DCAF1: variants seen among roughly 807,000 people sequenced by gnomAD.
DCAF1 encodes the protein DDB1- and CUL4-associated factor 1.
A neutral mutation model predicts 128.0 loss-of-function variants in DCAF1; 15 were observed. The observed-to-expected ratio is 0.12, with a 90% CI of 0.08 to 0.18. The LOEUF is 0.18. Ranked by LOEUF, DCAF1 falls within the 10% of genes least tolerant of loss-of-function variation. The probability of loss-of-function intolerance (pLI) is 1.00; values close to 1 mark genes in which losing one functional copy is unlikely to be tolerated. For synonymous variants in DCAF1, 610 were observed against 603.0 expected, an observed-to-expected ratio of 1.01 and a Z score of -0.17; for missense variants, 988 against 1,649.5, an observed-to-expected ratio of 0.60 and a Z score of 6.95.
chr3:51,441,913 T>A lies in DCAF1; in HGVS notation c.514-16A>T. On this transcript the variant is annotated splice_polypyrimidine_tract_variant and intron_variant, in intron 7 of 24. Coordinates refer to ENST00000684031, the MANE Select transcript of DCAF1 (RefSeq NM_001387579.1). Reference sequence around the variant, plus strand: ...CTATTGCCACCTATCAACAGATAATTGGAGAAAAAGGGGGTGCCTCTTTAT... The same window carrying A: ...CTATTGCCACCTATCAACAGATAATAGGAGAAAAAGGGGGTGCCTCTTTAT... 6.4e-7 allele frequency: 1 copy of A among 1,566,512 alleles called. No individual in the cohort carries two copies. Among genetic ancestry groups the A allele is most frequent in the Non-Finnish European group, 8.6e-7 (1 of 1,167,050 alleles).
chr3:51,416,601 T>A (rs1174656598), intron 18 of DCAF1, among the ~76,000 whole-genome samples, 186 bp downstream of exon 18: 1 of 152,208 alleles, frequency 6.6e-6, no homozygotes, highest in African/African-American at 2.4e-5. Flanking sequence ...AATGTCACAT[T>A]TAGCCCTTAT....
At chr3:51,458,395 A>G (rs1183300570) in intron 6 of DCAF1, among the ~76,000 whole-genome samples, 3 of 152,336 alleles carry the variant, frequency 2.0e-5, no homozygotes, top group African/African-American at 7.2e-5. Flanking sequence ...CCAATACAGG[A>G]GCACCCAGAT....
intron 2 of DCAF1, among the ~76,000 whole-genome samples, chr3:51,494,825 T>A (rs1553659898): frequency 6.6e-6 from 1 of 152,150 alleles, no homozygotes; most frequent in East Asian, 1.9e-4. Context: ...TCCAAAGTGC[T>A]AGGATTGTAG....
intron 3 of DCAF1, among the ~76,000 whole-genome samples, chr3:51,477,705 T>C (rs1014680892): frequency 3.3e-5 from 5 of 152,098 alleles, no homozygotes; most frequent in Admixed American, 6.6e-5. Flanking sequence ...AATCTGAGAA[T>C]GTCTATCATT....
intron 10 of DCAF1, among the ~76,000 whole-genome samples, chr3:51,431,197 CG>C (rs1700337036): frequency 6.6e-6 from 1 of 152,026 alleles, no homozygotes; most frequent in Non-Finnish European, 1.5e-5. Flanking sequence ...AAACCACATA[CG>C]TATGTGTAAC....
chr3:51,489,187 G>A (rs1042539099), intron 2 of DCAF1, among the ~76,000 whole-genome samples: 19 of 151,724 alleles, frequency 1.3e-4, no homozygotes, highest in Admixed American at 1.3e-4. Flanking sequence ...TAATCCCGGC[G>A]CTTTGGGAGG....
intron 3 of DCAF1, among the ~76,000 whole-genome samples, chr3:51,480,968 A>G (rs1356781149): frequency 2.0e-5 from 3 of 152,168 alleles, no homozygotes; most frequent in African/African-American, 4.8e-5. Context: ...TGTGTGGTAC[A>G]TAATTTTATT....
chr3:51,439,975 G>C (rs1162430512), intron 9 of DCAF1, among the ~76,000 whole-genome samples: 1 of 151,452 alleles, frequency 6.6e-6, no homozygotes, highest in Non-Finnish European at 1.5e-5. Flanking sequence ...CTGGGCAACA[G>C]AGCGAGACTC....
chr3:51,479,614 T>G (rs1705912925), intron 3 of DCAF1, among the ~76,000 whole-genome samples: 1 of 151,802 alleles, frequency 6.6e-6, no homozygotes. Flanking sequence ...CGGTGAAACC[T>G]GAAACCTCAT....
chr3:51,438,559 G>C (rs535412255), intron 9 of DCAF1, among the ~76,000 whole-genome samples: 8 of 152,292 alleles, frequency 5.3e-5, no homozygotes, highest in Admixed American at 5.2e-4. Flanking sequence ...AGATTAGAAT[G>C]AAGCACAAAA....
chr3:51,471,538 C>G (rs1225450101), intron 3 of DCAF1, among the ~76,000 whole-genome samples: 1 of 152,010 alleles, frequency 6.6e-6, no homozygotes, highest in Non-Finnish European at 1.5e-5. Flanking sequence ...ATTACCTTCA[C>G]CTCAGAAACC....
At chr3:51,479,005 A>T (rs1705831098) in intron 3 of DCAF1, among the ~76,000 whole-genome samples, 1 of 152,222 alleles carries the variant, frequency 6.6e-6, no homozygotes, top group East Asian at 1.9e-4. Context: ...TTTTTTTAAC[A>T]GTTATGATAC....
intron 2 of DCAF1, among the ~76,000 whole-genome samples, chr3:51,495,684 G>A (rs1238292184): frequency 1.3e-5 from 2 of 152,114 alleles, no homozygotes; most frequent in Non-Finnish European, 2.9e-5. Flanking sequence ...CTTGAGCCCA[G>A]GAGTTTGAGA....
At chr3:51,421,120 A>G in intron 14 of DCAF1, 123 bp from the exon 15 acceptor site, 1 of 1,163,856 alleles carries the variant, frequency 8.6e-7, no homozygotes, top group Non-Finnish European at 1.2e-6. Context: ...TTACTTTTGT[A>G]AAAACTGCAA....
chr3:51,485,204 C>T (rs926404689), intron 2 of DCAF1, among the ~76,000 whole-genome samples: 1 of 152,156 alleles, frequency 6.6e-6, no homozygotes, highest in Admixed American at 6.6e-5. Flanking sequence ...CGTGACCCAC[C>T]GCGCCCAGCT....
At position 51,440,931 on chromosome 3, in the gene DCAF1, A is replaced by T. The variant is rs782566438; in HGVS notation, c.1128+39T>A. ...AAATTTAAAAAAAAACAAAGTTTTT[A>T]AAAAATCCCCGGTGACCCAATATTT... On this transcript the variant is annotated intron_variant, in intron 9 of 24. Coordinates refer to ENST00000684031, the MANE Select transcript of DCAF1 (RefSeq NM_001387579.1). The T allele has an allele frequency of 2.7e-5, 42 of 1,529,312 alleles. 1 individual carries two copies. Among genetic ancestry groups the T allele is most frequent in the East Asian group, 1.6e-4 (7 of 43,066 alleles). The allele number at this position is 1,529,312 out of a possible 1,614,324, so 94.7% of individuals were successfully genotyped here. A position where few individuals can be genotyped will look rare whatever the true frequency, so the allele number is the denominator to read the frequency against.
intron 1 of DCAF1, among the ~76,000 whole-genome samples, chr3:51,497,460 G>C (rs147746685): frequency 3.3e-5 from 5 of 151,632 alleles, no homozygotes; most frequent in African/African-American, 1.2e-4. Flanking sequence ...GGTGGCACGC[G>C]CCTGTAGTCC....
Position 51,398,606 on chromosome 3 carries a change from C to T in DCAF1, c.*163G>A. ...GGTGGTTATTGATTCTGGAAGGACC[C>T]TCGGGTGCCAATGAGGCTCTCTAAG... On this transcript the variant is annotated 3_prime_UTR_variant, in exon 25 of 25. Transcript: ENST00000684031. The T allele has an allele frequency of 2.3e-6, 2 of 877,062 alleles. No homozygotes were observed. Among genetic ancestry groups the T allele is most frequent in the Non-Finnish European group, 3.4e-6 (2 of 582,140 alleles). 54.3% of individuals were successfully genotyped at this position (877,062 alleles called of 1,614,324 possible). A position where few individuals can be genotyped will look rare whatever the true frequency, so the allele number is the denominator to read the frequency against.
At chr3:51,470,904 C>A in intron 4 of DCAF1, 25 bp downstream of exon 4, 2 of 1,486,712 alleles carry the variant, frequency 1.3e-6, no homozygotes, top group Non-Finnish European at 1.8e-6. Flanking sequence ...AAAAAAAGAC[C>A]CACACTTAAG....
Sources: gnomAD v4.1 joint callset for allele counts (sites outside exome capture counted in the v4.1 genomes callset) on GRCh38, gnomAD v4.1.1 for gene constraint, MANE v1.5 for transcripts, NCBI Gene and HGNC (gene_info 2026-07-23, HGNC 2026-07-21) for gene names.